VSIG10L: variants seen among roughly 807,000 people sequenced by gnomAD.
The protein encoded by VSIG10L is V-set and immunoglobulin domain-containing protein 10-like.
VSIG10L carries 63 observed loss-of-function variants against 67.3 expected under a neutral mutation model. That is an observed-to-expected ratio of 0.94 (90% CI 0.76 to 1.15). The LOEUF (loss-of-function observed/expected upper bound fraction) is 1.15, where lower values mean the gene tolerates loss of function less well. Ranked by LOEUF, VSIG10L falls within the 50% of genes most tolerant of loss-of-function variation. The pLI is 0.00. For missense variants in VSIG10L, 1,050 were observed against 1,177.5 expected, an observed-to-expected ratio of 0.89 and a Z score of 1.58; for synonymous variants, 499 against 524.9, an observed-to-expected ratio of 0.95 and a Z score of 0.67.
intron 2 of VSIG10L, 84 bp downstream of exon 2, chr19:51,341,069 C>T (rs1228297148): frequency 3.5e-6 from 5 of 1,431,952 alleles, no homozygotes; most frequent in African/African-American, 1.4e-5. Context: ...TATCCAGGGA[C>T]CCCACAGCAC....
Position 51,340,034 on chromosome 19 carries a change from C to T in VSIG10L, c.1455G>A (p.Leu485=). 1 of 1,437,432 alleles carries T rather than the reference C, an allele frequency of 7.0e-7. No homozygotes were observed. The highest frequency in any genetic ancestry group is 9.1e-7 in the Non-Finnish European group (1 of 1,097,576). 89.0% of individuals were successfully genotyped at this position (1,437,432 alleles called of 1,614,324 possible). A position where few individuals can be genotyped will look rare whatever the true frequency, so the allele number is the denominator to read the frequency against. The change falls in exon 4 of 10, where the codon CTG becomes CTA. Residue 485 remains leucine, a synonymous_variant. Coordinates refer to ENST00000335624, the MANE Select transcript of VSIG10L (RefSeq NM_001163922.3). This position sits in a 1 kb window ranked among gnomAD's most constrained non-coding sequence, Gnocchi z 6.3. ...NPRTGRRRRS[L]LNLTVADLPP... is the part of the protein sequence containing the mutation. ...TCTCACCCGCCACTGTAAGGTTGAG[C>T]AGCGAGCGGCGGCGGCGGCCGGTAC... is the stretch of plus-strand genomic sequence containing the variant.
At chr19:51,339,854 T>C (rs1985578341) in intron 4 of VSIG10L, 161 bp downstream of exon 4, 3 of 914,072 alleles carry the variant, frequency 3.3e-6, no homozygotes, top group South Asian at 7.5e-5. Context: ...CCACCACGGG[T>C]ATCCCAGCTC....
chr19:51,337,808 G>A, intron 6 of VSIG10L, 122 bp downstream of exon 6: 2 of 1,288,462 alleles, frequency 1.6e-6, no homozygotes. Context: ...TGAGGGAGGA[G>A]AGGCTGGGGG....
intron 7 of VSIG10L, among the ~76,000 whole-genome samples, chr19:51,336,518 C>A (rs1051102738): frequency 7.9e-5 from 12 of 152,050 alleles, no homozygotes; most frequent in African/African-American, 2.9e-4. Context: ...CATGCCATTG[C>A]ACTCCAGCCT....
At position 51,338,005 on chromosome 19, in the gene VSIG10L, C is replaced by A. The variant is rs1985528615; in HGVS notation, c.1933G>T (p.Asp645Tyr). ...RKLHIGNFSL[D>Y]WDLGNYSVLC... ...ACGGAGTAATTTCCCAGGTCCCAAT[C>A]CAGGCTGAAGTTGCCGATGTGGAGT... The change falls in exon 6 of 10, where the codon GAT (aspartate) becomes TAT (tyrosine). Residue 645 changes from aspartate to tyrosine, a missense_variant. Asp to Tyr is a radical substitution (Grantham distance 160, BLOSUM62 -3). Transcript: ENST00000335624. The A allele has an allele frequency of 6.4e-7, 1 of 1,551,586 alleles. No homozygotes were observed. Among genetic ancestry groups the A allele is most frequent in the Admixed American group, 2.0e-5 (1 of 50,976 alleles).
In VSIG10L at chr19:51,331,799, G is replaced by C. The variant is rs1985366518; in HGVS notation, c.*812C>G. Reference sequence around the variant, plus strand: ...TTTTGTAAAGCCCTTAGTTTAGAGAGAGAGTCTCAGGCCACACAAGAAATT... The same window carrying C: ...TTTTGTAAAGCCCTTAGTTTAGAGACAGAGTCTCAGGCCACACAAGAAATT... On this transcript the variant is annotated 3_prime_UTR_variant, in exon 10 of 10. Coordinates refer to ENST00000335624, the MANE Select transcript of VSIG10L (RefSeq NM_001163922.3). The C allele has an allele frequency of 6.6e-6, 1 of 152,230 alleles. No individual in the cohort carries two copies. The highest frequency in any genetic ancestry group is 2.1e-4 in the South Asian group (1 of 4,838). 9.4% of individuals were successfully genotyped at this position (152,230 alleles called of 1,614,324 possible).
rs1319204989 is a variant in VSIG10L, at chr19:51,341,831, C to T, written c.217G>A (p.Ala73Thr). 2 of 1,551,632 alleles carry T rather than the reference C, an allele frequency of 1.3e-6. No individual in the cohort carries two copies. The highest frequency in any genetic ancestry group is 1.7e-6 in the Non-Finnish European group (2 of 1,146,982). Residue 73 changes from alanine (A) to threonine (T), a missense_variant, in exon 2 of 10, where the codon GCT becomes ACT. This residue lies in a region of VSIG10L where 511 missense variants were observed against 557.9 expected (regional missense o/e 0.92). Coordinates refer to ENST00000335624, the MANE Select transcript of VSIG10L (RefSeq NM_001163922.3). ...AACCAGCTGGAATCAGAGATTCCAG[C>T]AGAGGCTTTTGAATCCAGGAACTGA... The part of the protein sequence containing the change: ...PDQFLDSKAS[A>T]GISDSSWFPE...
In VSIG10L at chr19:51,333,959, A is replaced by G. The variant is rs7255412; in HGVS notation, c.2420-14T>C. ...CAGGAGTCTTTCCTGATTGAGAGGCAGAAGAGAAGCAGGAACACGTGATTG... is the reference window on the plus strand; with the variant it reads ...CAGGAGTCTTTCCTGATTGAGAGGCGGAAGAGAAGCAGGAACACGTGATTG... On this transcript the variant is annotated splice_polypyrimidine_tract_variant and intron_variant, in intron 8 of 9. Coordinates refer to ENST00000335624, the MANE Select transcript of VSIG10L (RefSeq NM_001163922.3). 0.31 allele frequency: 487,907 copies of G among 1,549,100 alleles called. 86,567 individuals carry two copies. The highest frequency in any genetic ancestry group is 0.78 in the African/African-American group (56,901 of 73,048).
chr19:51,338,789 C>CT (rs1985551022), intron 5 of VSIG10L, 99 bp downstream of exon 5: 1 of 1,263,752 alleles, frequency 7.9e-7, no homozygotes, highest in Non-Finnish European at 1.0e-6. Flanking sequence ...CTTTCTTGGA[C>CT]TAAGGACGTA....
rs543877327 is a variant in VSIG10L, at chr19:51,332,588, G to A, written c.*23C>T. On this transcript the variant is annotated 3_prime_UTR_variant, in exon 10 of 10. Transcript: ENST00000335624. Reference sequence around the variant, plus strand: ...GCTCTGATCACACCTGTGTGGCTGCGCGAACAGTCTTTGAGCCTCCGCCTA... The same window carrying A: ...GCTCTGATCACACCTGTGTGGCTGCACGAACAGTCTTTGAGCCTCCGCCTA... 12 of 1,551,426 alleles carry A rather than the reference G, an allele frequency of 7.7e-6. 1 individual carries two copies. The highest frequency in any genetic ancestry group is 1.7e-4 in the Middle Eastern group (1 of 5,992).
chr19:51,338,337 C>A, intron 5 of VSIG10L, 129 bp from the exon 6 acceptor site: 2 of 950,910 alleles, frequency 2.1e-6, no homozygotes, highest in Non-Finnish European at 3.0e-6. Flanking sequence ...AAAGAACTGC[C>A]AATTTACTCA....
Position 51,340,090 on chromosome 19 carries a change from C to A in VSIG10L, c.1399G>T (p.Gly467Cys). Residue 467 changes from glycine to cysteine, a missense_variant, in exon 4 of 10, where the codon GGC becomes TGC. By Grantham distance (159) the Gly-to-Cys change is radical. Coordinates refer to ENST00000335624, the MANE Select transcript of VSIG10L (RefSeq NM_001163922.3). This position sits in a 1 kb window ranked among gnomAD's most constrained non-coding sequence, Gnocchi z 6.3. ...TTCGCCGCCAGGCAGGCGTAGGTGC[C>A]TGCGTGGCCCGGTCCGACCGCGGGC... ...LLPAVGPGHA[G>C]TYACLAANPR... 7.3e-7 allele frequency: 1 copy of A among 1,373,770 alleles called. No individual in the cohort carries two copies. 85.1% of individuals were successfully genotyped at this position (1,373,770 alleles called of 1,614,324 possible).
Position 51,341,252 on chromosome 19 carries a change from G to A in VSIG10L, c.796C>T (p.Leu266Phe). 1 of 1,550,814 alleles carries A rather than the reference G, an allele frequency of 6.4e-7. No homozygotes were observed. The change falls in exon 2 of 10, where the codon CTC becomes TTC. Residue 266 changes from leucine to phenylalanine, a missense_variant. Leu to Phe is a conservative substitution (Grantham distance 22). Coordinates refer to ENST00000335624, the MANE Select transcript of VSIG10L (RefSeq NM_001163922.3). ...RFDQARGVLELASAQLDDAGV... is the reference protein window; with the variant it reads ...RFDQARGVLEFASAQLDDAGV... ...GCATCGTCCAGCTGGGCAGAGGCGAGCTCCAGAACCCCCCGGGCCTGGTCA... is the reference window on the plus strand; with the variant it reads ...GCATCGTCCAGCTGGGCAGAGGCGAACTCCAGAACCCCCCGGGCCTGGTCA...
At position 51,340,963 on chromosome 19, in the gene VSIG10L, C is replaced by T; in HGVS notation, c.895+190G>A. 1.6e-5 allele frequency: 16 copies of T among 984,390 alleles called. No individual in the cohort carries two copies. Among genetic ancestry groups the T allele is most frequent in the Non-Finnish European group, 2.2e-5 (16 of 715,204 alleles). The allele number at this position is 984,390 out of a possible 1,614,324, so 61.0% of individuals were successfully genotyped here. A position where few individuals can be genotyped will look rare whatever the true frequency, so the allele number is the denominator to read the frequency against. ...CCTCAGACCTGGGAGTTCAGGCTCC[C>T]AGGAGTCTCCATCCCAGGTCCACCT... is the stretch of plus-strand genomic sequence containing the variant. On this transcript the variant is annotated intron_variant, in intron 2 of 9. Coordinates refer to ENST00000335624, the MANE Select transcript of VSIG10L (RefSeq NM_001163922.3). This position sits in a 1 kb window ranked among gnomAD's most constrained non-coding sequence, Gnocchi z 6.3.
rs1158447243 is a variant in VSIG10L at position 51,339,930 on chromosome 19, G to A, written c.1474+85C>T. 4.1e-6 allele frequency: 5 copies of A among 1,205,722 alleles called. No homozygotes were observed. The South Asian group carries it at 9.8e-5, about 24-fold the overall frequency. 74.7% of individuals were successfully genotyped at this position (1,205,722 alleles called of 1,614,324 possible). A position where few individuals can be genotyped will look rare whatever the true frequency, so the allele number is the denominator to read the frequency against. On this transcript the variant is annotated intron_variant, in intron 4 of 9. Coordinates refer to ENST00000335624, the MANE Select transcript of VSIG10L (RefSeq NM_001163922.3). ...ACCGGTATGCTGCTCCTCCTTGCTG[G>A]CCCCGCCCCTTTCCTCTAGCCCCGC... is the stretch of plus-strand genomic sequence containing the variant.
intron 7 of VSIG10L, 139 bp from the exon 8 acceptor site, chr19:51,334,443 G>A (rs377607438): frequency 1.5e-6 from 1 of 662,404 alleles, no homozygotes; most frequent in Non-Finnish European, 2.6e-6. Context: ...CAGGAATGTG[G>A]GACCCCAGCA....
Position 51,341,436 on chromosome 19 carries a change from C to T in VSIG10L, c.612G>A (p.Gly204=). 6.5e-7 allele frequency: 1 copy of T among 1,536,008 alleles called. No homozygotes were observed. The highest frequency in any genetic ancestry group is 8.8e-7 in the Non-Finnish European group (1 of 1,139,406). The change falls in exon 2 of 10, where the codon GGG becomes GGA. Residue 204 remains glycine (G), a synonymous_variant. Transcript: ENST00000335624. ...GGACTAGGGGGAGCCGGATGGTGGT[C>T]CCCACCAGCACAGCGAGTGGGCCCC... ...QVGGPLAVLV[G]TTIRLPLVPI... is the part of the protein sequence containing the mutation.
At position 51,340,097 on chromosome 19, in the gene VSIG10L, G is replaced by A; in HGVS notation, c.1392C>T (p.Gly464=). 3.7e-6 allele frequency: 5 copies of A among 1,344,040 alleles called. No homozygotes were observed. The highest frequency in any genetic ancestry group is 4.8e-6 in the Non-Finnish European group (5 of 1,051,090). The allele number at this position is 1,344,040 out of a possible 1,614,324, so 83.3% of individuals were successfully genotyped here. ...SRLLLPAVGP[G]HAGTYACLAA... ...CCAGGCAGGCGTAGGTGCCTGCGTGGCCCGGTCCGACCGCGGGCAGCAGGA... is the reference window on the plus strand; with the variant it reads ...CCAGGCAGGCGTAGGTGCCTGCGTGACCCGGTCCGACCGCGGGCAGCAGGA... Residue 464 remains glycine, a synonymous_variant, in exon 4 of 10, where the codon GGC becomes GGT. Transcript: ENST00000335624. This position sits in a 1 kb window ranked among gnomAD's most constrained non-coding sequence, Gnocchi z 6.3.
In VSIG10L at chr19:51,341,054, TCTC is replaced by T. The variant is rs1985622489; in HGVS notation, c.895+96_895+98del. The T allele has an allele frequency of 2.3e-5, 32 of 1,412,406 alleles. 1 individual carries two copies. The Middle Eastern group carries it at 7.9e-4, about 35-fold the overall frequency. 87.5% of individuals were successfully genotyped at this position (1,412,406 alleles called of 1,614,324 possible). The stretch of plus-strand genomic sequence containing the variant: ...CCCTTCCTCAACCCAGAAGTCCTCT[TCTC>T]CTATCCAGGGACCCCACAGCACCGT... On this transcript the variant is annotated intron_variant, in intron 2 of 9. Coordinates refer to ENST00000335624, the MANE Select transcript of VSIG10L (RefSeq NM_001163922.3).
Sources: gnomAD v4.1 joint callset for allele counts (sites outside exome capture counted in the v4.1 genomes callset) on GRCh38, gnomAD v4.1.1 for gene constraint, gnomAD v4.1.1 regional missense constraint, Gnocchi (gnomAD v3.1) non-coding constraint, MANE v1.5 for transcripts, NCBI Gene and HGNC (gene_info 2026-07-23, HGNC 2026-07-21) for gene names.